Variants in FRMD4B observed in about 807,000 individuals in gnomAD.
FRMD4B encodes FERM domain-containing protein 4B.
Under a neutral mutation model 141.5 loss-of-function variants are expected in FRMD4B, and 74 were observed. That is an observed-to-expected ratio of 0.52 (90% CI 0.43 to 0.63). The LOEUF is 0.63. FRMD4B is among the 30% of genes least tolerant of loss of function. FRMD4B has a pLI of 0.00. For synonymous variants in FRMD4B, 506 were observed against 467.9 expected (o/e 1.08, Z -1.05); for missense variants, 1,366 against 1,253.4 (o/e 1.09, Z -1.36).
chr3:69,315,480 G>GAT (rs1167347461), intron 1 of FRMD4B, among the ~76,000 whole-genome samples: 1 of 152,116 alleles, frequency 6.6e-6, no homozygotes, highest in African/African-American at 2.4e-5. Flanking sequence ...CCAGAAATTT[G>GAT]ATATATATGT....
intron 1 of FRMD4B, among the ~76,000 whole-genome samples, chr3:69,436,279 T>C (rs2106848340): frequency 6.6e-6 from 1 of 152,266 alleles, no homozygotes. Flanking sequence ...CTTTGGGAAA[T>C]GCTGAAATAC....
In FRMD4B at chr3:69,196,891, GTTAC is replaced by G. The variant is rs2092912228; in HGVS notation, c.1092+5_1092+8del. On this transcript the variant is annotated splice_donor_5th_base_variant and intron_variant, in intron 13 of 22. Transcript: ENST00000398540. Reference sequence around the variant, plus strand: ...ATCTGTCCCTATAGAAATGATGCCAGTTACTTACTTTGCTTTGCTTCCGGTCCAA... The same window carrying G: ...ATCTGTCCCTATAGAAATGATGCCAGTTACTTTGCTTTGCTTCCGGTCCAA... 1.2e-6 allele frequency: 2 copies of G among 1,602,910 alleles called. No individual in the cohort carries two copies. Among genetic ancestry groups the G allele is most frequent in the South Asian group, 1.1e-5 (1 of 90,558 alleles).
chr3:69,298,091 A>C (rs1701089626), intron 4 of FRMD4B, among the ~76,000 whole-genome samples: 1 of 152,228 alleles, frequency 6.6e-6, no homozygotes, highest in Non-Finnish European at 1.5e-5. Context: ...GTAGGACCTC[A>C]GGGTTTAGCT....
chr3:69,474,112 T>C (rs1705939671), intron 1 of FRMD4B, among the ~76,000 whole-genome samples: 1 of 152,360 alleles, frequency 6.6e-6, no homozygotes, highest in Non-Finnish European at 1.5e-5. Flanking sequence ...TGGTCTGAAT[T>C]ACTTGCTCTC....
intron 16 of FRMD4B, among the ~76,000 whole-genome samples, chr3:69,194,219 T>C (rs1228662353): frequency 6.6e-6 from 1 of 152,178 alleles, no homozygotes; most frequent in Non-Finnish European, 1.5e-5. Flanking sequence ...ACAGATAAAT[T>C]TGGGTTTGAT....
intron 1 of FRMD4B, among the ~76,000 whole-genome samples, chr3:69,433,460 C>T (rs1207431445): frequency 6.6e-6 from 1 of 152,172 alleles, no homozygotes; most frequent in African/African-American, 2.4e-5. Flanking sequence ...GATGTGGTAT[C>T]CCTTGTTCTG....
chr3:69,482,064 A>G (rs983441249), intron 1 of FRMD4B, among the ~76,000 whole-genome samples: 1 of 152,236 alleles, frequency 6.6e-6, no homozygotes, highest in African/African-American at 2.4e-5. Flanking sequence ...TTCTTTCAAA[A>G]GCTGAAATTC....
intron 1 of FRMD4B, among the ~76,000 whole-genome samples, chr3:69,540,555 A>T (rs138676360): frequency 0.012 from 1,741 of 139,628 alleles, 12 homozygotes; most frequent in Non-Finnish European, 0.018. Flanking sequence ...CAGAGGTTGC[A>T]GTGAGCCGAG....
At chr3:69,414,705 A>C (rs1353224376) in intron 2 of FRMD4B, among the ~76,000 whole-genome samples, 1 of 152,216 alleles carries the variant, frequency 6.6e-6, no homozygotes, top group Non-Finnish European at 1.5e-5. Context: ...CATGAGGTCA[A>C]GGGTGTGCCC....
intron 1 of FRMD4B, among the ~76,000 whole-genome samples, chr3:69,501,214 T>C (rs1706490453): frequency 6.6e-6 from 1 of 150,604 alleles, no homozygotes; most frequent in Admixed American, 6.7e-5. Context: ...CTATAAGGTT[T>C]ATGCATGGAC....
At chr3:69,378,642 A>C (rs1289069724) in intron 1 of FRMD4B, among the ~76,000 whole-genome samples, 2 of 152,144 alleles carry the variant, frequency 1.3e-5, no homozygotes, top group African/African-American at 4.8e-5. Context: ...ATACTTCCCA[A>C]GTCTATCCGC....
chr3:69,399,911 G>T (rs1481699097), intron 2 of FRMD4B, among the ~76,000 whole-genome samples: 1 of 152,090 alleles, frequency 6.6e-6, no homozygotes, highest in East Asian at 1.9e-4. Context: ...TTAGTATTAG[G>T]TTGGTACAAA....
chr3:69,356,387 A>T (rs1450477878), intron 1 of FRMD4B, among the ~76,000 whole-genome samples: 4 of 152,060 alleles, frequency 2.6e-5, no homozygotes, highest in African/African-American at 4.8e-5. Context: ...TGAAAAGACA[A>T]GACTGGCCTA....
intron 1 of FRMD4B, among the ~76,000 whole-genome samples, chr3:69,337,164 T>C (rs1403273191): frequency 6.6e-6 from 1 of 151,982 alleles, no homozygotes; most frequent in Non-Finnish European, 1.5e-5. Flanking sequence ...TATCTACAAC[T>C]ATCTGATCTT....
intron 1 of FRMD4B, among the ~76,000 whole-genome samples, chr3:69,455,740 T>G (rs1269762234): frequency 6.6e-6 from 1 of 152,226 alleles, no homozygotes; most frequent in Non-Finnish European, 1.5e-5. Context: ...AAGTTTTAAC[T>G]ACGAATTTTA....
chr3:69,366,251 C>T (rs1319696389), intron 1 of FRMD4B, among the ~76,000 whole-genome samples: 1 of 147,098 alleles, frequency 6.8e-6, no homozygotes, highest in Non-Finnish European at 1.5e-5. Flanking sequence ...CAGAGCAAGG[C>T]TCTGTCTCAA....
intron 5 of FRMD4B, among the ~76,000 whole-genome samples, chr3:69,265,637 C>G (rs1229475085): frequency 6.6e-6 from 1 of 151,324 alleles, no homozygotes; most frequent in Non-Finnish European, 1.5e-5. Flanking sequence ...TTAGTAGTGA[C>G]GGGGTTTCAC....
intron 11 of FRMD4B, among the ~76,000 whole-genome samples, chr3:69,205,922 G>C (rs1436229235): frequency 6.6e-6 from 1 of 152,198 alleles, no homozygotes; most frequent in South Asian, 2.1e-4. Context: ...ATATGCAAAT[G>C]CTACCCACTA....
intron 22 of FRMD4B, among the ~76,000 whole-genome samples, chr3:69,176,254 G>C (rs899793708): frequency 6.6e-6 from 1 of 152,120 alleles, no homozygotes; most frequent in East Asian, 1.9e-4. Context: ...GATACTTTTT[G>C]GCTGATGGTG....
Sources: gnomAD v4.1 joint callset for allele counts (sites outside exome capture counted in the v4.1 genomes callset) on GRCh38, gnomAD v4.1.1 for gene constraint, MANE v1.5 for transcripts, NCBI Gene and HGNC (gene_info 2026-07-23, HGNC 2026-07-21) for gene names.